Variants in KCNB2 observed in about 807,000 individuals in gnomAD.
KCNB2 encodes the protein delayed rectifier potassium channel protein.
In KCNB2, 15 loss-of-function variants were observed where a neutral mutation model predicts 61.5. That is an observed-to-expected ratio of 0.24 (90% CI 0.16 to 0.38). KCNB2 has a LOEUF of 0.38. Ranked by LOEUF, KCNB2 falls within the 10% of genes least tolerant of loss-of-function variation. The pLI is 1.00. For synonymous variants in KCNB2, 457 were observed against 446.0 expected (o/e 1.02, Z -0.31); for missense variants, 828 against 1,125.2 (o/e 0.74, Z 3.78).
intron 2 of KCNB2, among the ~76,000 whole-genome samples, chr8:72,869,884 T>C (rs932428890): frequency 2.0e-5 from 3 of 152,192 alleles, no homozygotes; most frequent in African/African-American, 7.2e-5. Context: ...AGGTGGTATC[T>C]GCACCCCCCT....
chr8:72,618,725 C>T (rs370758216), intron 2 of KCNB2: 2 of 165,102 alleles, frequency 1.2e-5, no homozygotes, highest in Non-Finnish European at 2.7e-5. Flanking sequence ...ACTCTGGTCA[C>T]GGTTCCATTT....
At chr8:72,581,187 C>T (rs188249676) in intron 2 of KCNB2, among the ~76,000 whole-genome samples, 17 of 152,252 alleles carry the variant, frequency 1.1e-4, no homozygotes, top group East Asian at 3.9e-4. Context: ...GCCTCATATA[C>T]GAGCTGCAGC....
At position 72,936,920 on chromosome 8, in the gene KCNB2, A is replaced by G. The variant is rs1203007221; in HGVS notation, c.1565A>G (p.Glu522Gly). ...GAGGTTAGCCAAAAAGACTCCCACG[A>G]GCAGCTGAACAACACGTCTTCCTCC... ...YQEVSQKDSHEQLNNTSSSSP... is the reference protein window; with the variant it reads ...YQEVSQKDSHGQLNNTSSSSP... Residue 522 changes from glutamate (E) to glycine (G), a missense_variant, in exon 3 of 3, where the codon GAG becomes GGG. Coordinates refer to ENST00000523207, the MANE Select transcript of KCNB2 (RefSeq NM_004770.3). The surrounding 1 kb of genome is among the most constrained non-coding windows in gnomAD (Gnocchi z 5.6). 6.2e-7 allele frequency: 1 copy of G among 1,614,188 alleles called. No homozygotes were observed. The highest frequency in any genetic ancestry group is 8.5e-7 in the Non-Finnish European group (1 of 1,180,022).
At chr8:72,584,096 CA>C (rs1344513892) in intron 2 of KCNB2, among the ~76,000 whole-genome samples, 1 of 132,974 alleles carries the variant, frequency 7.5e-6, no homozygotes, top group Non-Finnish European at 1.6e-5. Context: ...CAAAACAAAA[CA>C]AAACAAAACA....
intron 2 of KCNB2, among the ~76,000 whole-genome samples, chr8:72,713,945 C>A (rs1438446432): frequency 6.6e-6 from 1 of 152,058 alleles, no homozygotes; most frequent in Non-Finnish European, 1.5e-5. Context: ...CTAGAATAAC[C>A]AATGCAGAGA....
At position 72,853,389 on chromosome 8, in the gene KCNB2, C is replaced by G. The variant is rs1192708259; in HGVS notation, c.580-82546C>G. Among the ~76,000 whole-genome samples, 5 of 152,218 alleles carry G rather than the reference C, an allele frequency of 3.3e-5. No homozygotes were observed. In the East Asian group the frequency reaches 9.6e-4, roughly 29 times the overall value. On this transcript the variant is annotated intron_variant, in intron 2 of 2. Transcript: ENST00000523207. ...AGCTCCAGGAGGGATCAAGCTCAAT[C>G]TGACCTCCAGCTGAGACCATATTCC...
At chr8:72,647,173 C>A (rs1252364823) in intron 2 of KCNB2, among the ~76,000 whole-genome samples, 1 of 152,052 alleles carries the variant, frequency 6.6e-6, no homozygotes, top group African/African-American at 2.4e-5. Context: ...GTTCTAAAAA[C>A]CTATCATGGC....
At chr8:72,869,641 C>A (rs112938423) in intron 2 of KCNB2, among the ~76,000 whole-genome samples, 15,846 of 152,154 alleles carry the variant, frequency 0.1, 1,001 homozygotes, top group South Asian at 0.24. Flanking sequence ...AAATCAAAAC[C>A]ACAATGAAAT....
intron 1 of KCNB2, among the ~76,000 whole-genome samples, chr8:72,542,747 T>C (rs1473731173): frequency 6.6e-6 from 1 of 152,138 alleles, no homozygotes; most frequent in East Asian, 1.9e-4. Flanking sequence ...ATAAGAGTGA[T>C]AGAGGCAAAG....
At chr8:72,789,281 G>C (rs543670307) in intron 2 of KCNB2, among the ~76,000 whole-genome samples, 1 of 152,148 alleles carries the variant, frequency 6.6e-6, no homozygotes, top group African/African-American at 2.4e-5. Context: ...ACATTTTATG[G>C]GATTAGAGAG....
chr8:72,810,909 TTA>T (rs1204846353), intron 2 of KCNB2, among the ~76,000 whole-genome samples: 1 of 152,220 alleles, frequency 6.6e-6, no homozygotes, highest in Non-Finnish European at 1.5e-5. Context: ...AGGGCATCTG[TTA>T]TGTCAGTTAT....
chr8:72,805,254 A>C (rs1809200578), intron 2 of KCNB2, among the ~76,000 whole-genome samples: 1 of 152,198 alleles, frequency 6.6e-6, no homozygotes, highest in Non-Finnish European at 1.5e-5. Context: ...CTTCAGCAAG[A>C]TCAAATATGT....
At chr8:72,716,094 C>T (rs1178676907) in intron 2 of KCNB2, among the ~76,000 whole-genome samples, 4 of 152,156 alleles carry the variant, frequency 2.6e-5, no homozygotes, top group Non-Finnish European at 5.9e-5. Flanking sequence ...CACATACACC[C>T]TCCCAAGACT....
chr8:72,676,358 C>T (rs1044317538), intron 2 of KCNB2, among the ~76,000 whole-genome samples: 1 of 151,872 alleles, frequency 6.6e-6, no homozygotes, highest in African/African-American at 2.4e-5. Flanking sequence ...AATCCACGTG[C>T]AGTATTTCTT....
chr8:72,778,733 CAAAAAAAAAAAAAAAAAA>C (rs753797385), intron 2 of KCNB2, among the ~76,000 whole-genome samples: 3 of 14,172 alleles, frequency 2.1e-4, no homozygotes, highest in African/African-American at 9.5e-4. Flanking sequence ...ACAGAGCGAG[CAAAAAAAAAAAAAAAAAA>C]AAAAAAAAAA....
intron 2 of KCNB2, among the ~76,000 whole-genome samples, chr8:72,612,964 A>G (rs573135630): frequency 1.3e-5 from 2 of 152,326 alleles, no homozygotes; most frequent in East Asian, 1.9e-4. Flanking sequence ...TGTGGAAATA[A>G]CATTTCTATC....
chr8:72,826,407 G>A (rs1198985865), intron 2 of KCNB2, among the ~76,000 whole-genome samples: 1 of 152,122 alleles, frequency 6.6e-6, no homozygotes, highest in Non-Finnish European at 1.5e-5. Flanking sequence ...TTATGCCTAT[G>A]AACAATAAGG....
At chr8:72,719,361 A>G (rs4518707) in intron 2 of KCNB2, among the ~76,000 whole-genome samples, 1,707 of 152,200 alleles carry the variant, frequency 0.011, 32 homozygotes, top group African/African-American at 0.039. Flanking sequence ...CTGAAACTCA[A>G]TTTTCTTGGG....
chr8:72,838,134 CT>C (rs1358096636), intron 2 of KCNB2, among the ~76,000 whole-genome samples: 2 of 151,962 alleles, frequency 1.3e-5, no homozygotes, highest in Non-Finnish European at 2.9e-5. Flanking sequence ...TTTTATTATA[CT>C]TTAAGTTATA....
Sources: gnomAD v4.1 joint callset for allele counts (sites outside exome capture counted in the v4.1 genomes callset) on GRCh38, gnomAD v4.1.1 for gene constraint, Gnocchi (gnomAD v3.1) non-coding constraint, MANE v1.5 for transcripts, NCBI Gene and HGNC (gene_info 2026-07-23, HGNC 2026-07-21) for gene names.